The following GALNS variants were observed in gnomAD, a reference collection of about 807,000 sequenced individuals.
GALNS encodes the protein galactosamine (N-acetyl)-6-sulfatase.
GALNS carries 65 observed loss-of-function variants against 65.9 expected under a neutral mutation model. That is an observed-to-expected ratio of 0.99 (90% confidence interval 0.81 to 1.21). The LOEUF (loss-of-function observed/expected upper bound fraction) is 1.21. Ranked by LOEUF, GALNS falls within the 50% of genes most tolerant of loss-of-function variation. The pLI, the probability that GALNS is intolerant of heterozygous loss-of-function variation, is 0.00. For missense variants in GALNS, 776 were observed against 700.7 expected, an observed-to-expected ratio of 1.11 and a Z score of -1.21; for synonymous variants, 346 against 288.9, an observed-to-expected ratio of 1.20 and a Z score of -2.00.
chr16:88,822,900 G>A (rs762410752), intron 11 of GALNS, among the ~76,000 whole-genome samples, 190 bp from the exon 12 acceptor site: 2 of 152,206 alleles, frequency 1.3e-5, no homozygotes, highest in Non-Finnish European at 2.9e-5. Context: ...CTGGTACTCA[G>A]CATGGTGCAG....
chr16:88,837,540 C>T (rs2143002257), intron 5 of GALNS, 82 bp downstream of exon 5: 2 of 1,455,502 alleles, frequency 1.4e-6, no homozygotes, highest in East Asian at 4.6e-5. Flanking sequence ...CGACTTGAGC[C>T]CACCAGTGCT....
chr16:88,835,497 G>A, intron 7 of GALNS, 145 bp from the exon 8 acceptor site: 3 of 1,279,018 alleles, frequency 2.3e-6, no homozygotes, highest in South Asian at 1.3e-5. Context: ...CTTCCCAGAA[G>A]AGGAATGGCC....
chr16:88,848,975 G>C (rs1020688462), intron 1 of GALNS, among the ~76,000 whole-genome samples: 1 of 152,262 alleles, frequency 6.6e-6, no homozygotes, highest in Admixed American at 6.5e-5. Flanking sequence ...CAGCTTGGCA[G>C]GGTGGCCGCT....
chr16:88,829,639 C>A (rs1437177929), intron 9 of GALNS, among the ~76,000 whole-genome samples: 2 of 152,256 alleles, frequency 1.3e-5, no homozygotes, highest in Admixed American at 6.5e-5. Flanking sequence ...ACTGCCCAGG[C>A]ATGGTGGGCA....
chr16:88,816,162 G>A (rs908840074), intron 13 of GALNS: 2 of 985,466 alleles, frequency 2.0e-6, no homozygotes, highest in East Asian at 2.3e-4. Context: ...TGTGGCGGTG[G>A]GGGCAGTTCC....
intron 1 of GALNS, chr16:88,843,122 G>C: frequency 1.4e-6 from 2 of 1,454,992 alleles, no homozygotes; most frequent in East Asian, 3.0e-5. Context: ...TTCAGGTGGG[G>C]AATGTGTCCG....
At chr16:88,815,793 G>A (rs1430311918) in intron 13 of GALNS, 3 of 985,452 alleles carry the variant, frequency 3.0e-6, no homozygotes, top group East Asian at 1.1e-4. Context: ...GAGTGGGTTT[G>A]GGTGAGGAAG....
rs150765948 is a variant in GALNS, at chr16:88,853,643, A to C, written c.120+3115T>G. 7.4e-3 allele frequency among the ~76,000 whole-genome samples: 1,132 copies of C among 152,256 alleles called. 13 individuals carry two copies. The highest frequency in any genetic ancestry group is 0.026 in the African/African-American group (1,098 of 41,538). On this transcript the variant is annotated intron_variant, in intron 1 of 13. Coordinates refer to ENST00000268695, the MANE Select transcript of GALNS (RefSeq NM_000512.5). ...AGGAGCTGTGTGTGGGCCAGAGTGG[A>C]ACTTGTCACTGGGTCTCACCTGTCT...
intron 12 of GALNS, among the ~76,000 whole-genome samples, chr16:88,818,714 G>A (rs550169271): frequency 3.9e-5 from 6 of 152,336 alleles, no homozygotes; most frequent in South Asian, 4.1e-4. Flanking sequence ...GGTCCACGGC[G>A]CCGTCATGCT....
Position 88,836,237 on chromosome 16 carries a change from C to T in GALNS, c.597G>A (p.Lys199=), listed in dbSNP as rs1293689169. The T allele has an allele frequency of 1.2e-6, 2 of 1,613,458 alleles. No individual in the cohort carries two copies. Among genetic ancestry groups the T allele is most frequent in the East Asian group, 4.5e-5 (2 of 44,894 alleles). The change falls in exon 6 of 14, where the codon AAG becomes AAA. Residue 199 remains lysine, a synonymous_variant. Transcript: ENST00000268695. The stretch of plus-strand genomic sequence containing the variant: ...TCTGGGTGAGGTTGGCTTCCCCCGT[C>T]TTCAGATTAATAGGAAATTCTTCAT... ...RYYEEFPINL[K]TGEANLTQIY...
At chr16:88,841,833 A>G in intron 3 of GALNS, 64 bp downstream of exon 3, 1 of 1,430,764 alleles carries the variant, frequency 7.0e-7, no homozygotes, top group Non-Finnish European at 9.7e-7. Context: ...CACGGGCACC[A>G]CCCGTAGCCC....
intron 13 of GALNS, chr16:88,815,451 G>A (rs1025716543): frequency 1.9e-5 from 19 of 985,338 alleles, no homozygotes; most frequent in East Asian, 1.1e-4. Flanking sequence ...AGCGGAGCCC[G>A]CACCCCTCCA....
chr16:88,829,855 G>A (rs2142997694), intron 9 of GALNS, among the ~76,000 whole-genome samples: 1 of 152,360 alleles, frequency 6.6e-6, no homozygotes, highest in African/African-American at 2.4e-5. Context: ...ACACAACGCA[G>A]GCCGCTCATC....
intron 9 of GALNS, among the ~76,000 whole-genome samples, chr16:88,830,688 G>A (rs749822952): frequency 2.0e-5 from 3 of 152,246 alleles, no homozygotes; most frequent in Non-Finnish European, 4.4e-5. Flanking sequence ...GCAGCTTCCT[G>A]GGCCAGAGGA....
chr16:88,840,824 G>A (rs561720850), intron 4 of GALNS, 168 bp downstream of exon 4: 91 of 668,688 alleles, frequency 1.4e-4, no homozygotes, highest in African/African-American at 1.2e-3. Context: ...GCAAGGTCAC[G>A]CTGGCCTGCA....
chr16:88,836,222 G>A lies in GALNS; in HGVS notation c.612C>T (p.Asn204=). The change falls in exon 6 of 14, where the codon AAC becomes AAT. Residue 204 remains asparagine (N), a synonymous_variant. Transcript: ENST00000268695. ...FPINLKTGEA[N]LTQIYLQEAL... ...TCACCTGCAGGTAGATCTGGGTGAGGTTGGCTTCCCCCGTCTTCAGATTAA... is the reference window on the plus strand; with the variant it reads ...TCACCTGCAGGTAGATCTGGGTGAGATTGGCTTCCCCCGTCTTCAGATTAA... 1 of 1,613,572 alleles carries A rather than the reference G, an allele frequency of 6.2e-7. No homozygotes were observed. The highest frequency in any genetic ancestry group is 8.5e-7 in the Non-Finnish European group (1 of 1,179,858).
intron 5 of GALNS, 52 bp downstream of exon 5, chr16:88,837,570 G>A (rs986529901): frequency 4.4e-6 from 7 of 1,592,026 alleles, no homozygotes; most frequent in Admixed American, 3.3e-5. Flanking sequence ...GGGCAGGCAC[G>A]CCGGGCACAG....
chr16:88,840,872 G>A, intron 4 of GALNS, 120 bp downstream of exon 4: 3 of 799,334 alleles, frequency 3.8e-6, no homozygotes, highest in Non-Finnish European at 6.6e-6. Flanking sequence ...CCCAGAATCA[G>A]CTGCCGTTTC....
chr16:88,848,310 C>T (rs1967346328), intron 1 of GALNS, among the ~76,000 whole-genome samples: 2 of 152,012 alleles, frequency 1.3e-5, no homozygotes, highest in African/African-American at 4.8e-5. Flanking sequence ...CTTTCACCAG[C>T]GAATTCCGTC....
Sources: allele counts gnomAD v4.1 joint callset (sites outside exome capture counted in the v4.1 genomes callset), GRCh38; gene constraint gnomAD v4.1.1; transcripts MANE v1.5; gene names NCBI Gene and HGNC (gene_info 2026-07-23, HGNC 2026-07-21).